Variants in SIL1 observed in about 807,000 individuals in gnomAD.
SIL1 encodes nucleotide exchange factor SIL1.
In SIL1, 40 loss-of-function variants were observed where a neutral mutation model predicts 49.1. That is an observed-to-expected ratio of 0.81 (90% CI 0.63 to 1.06). The LOEUF (loss-of-function observed/expected upper bound fraction) is 1.06. Among genes scored for constraint, SIL1 ranks in the 50% least tolerant of loss-of-function variants. SIL1 has a pLI of 0.00. For synonymous variants in SIL1, 253 were observed against 250.8 expected (o/e 1.01, Z -0.08); for missense variants, 500 against 572.6 (o/e 0.87, Z 1.29).
intron 3 of SIL1, among the ~76,000 whole-genome samples, chr5:139,098,413 C>T (rs954394081): frequency 1.3e-5 from 2 of 152,116 alleles, no homozygotes; most frequent in African/African-American, 4.8e-5. Context: ...AAATTAGACC[C>T]CTATCTCTCA....
At chr5:139,137,282 G>A (rs1561876347) in intron 1 of SIL1, 7 of 702,068 alleles carry the variant, frequency 1.0e-5, no homozygotes, top group Non-Finnish European at 1.6e-5. Flanking sequence ...CCAATATGCT[G>A]CTCATTTTAC....
At chr5:139,150,527 C>A (rs1025282580) in intron 1 of SIL1, among the ~76,000 whole-genome samples, 5 of 152,114 alleles carry the variant, frequency 3.3e-5, no homozygotes, top group Non-Finnish European at 5.9e-5. Context: ...CAGGTAGGAG[C>A]AACCGTCGCA....
chr5:139,114,855 G>T (rs536138079), intron 3 of SIL1, among the ~76,000 whole-genome samples: 16 of 152,200 alleles, frequency 1.1e-4, no homozygotes, highest in African/African-American at 3.4e-4. Flanking sequence ...CCAGCACTGT[G>T]CTTGAGCCAG....
chr5:139,100,857 C>T (rs1376945845), intron 3 of SIL1, among the ~76,000 whole-genome samples: 5 of 151,802 alleles, frequency 3.3e-5, no homozygotes, highest in Admixed American at 1.3e-4. Flanking sequence ...ATTTAAGATG[C>T]CTATCCAAGT....
At chr5:139,151,559 A>G (rs559745178) in intron 1 of SIL1, among the ~76,000 whole-genome samples, 1 of 152,282 alleles carries the variant, frequency 6.6e-6, no homozygotes, top group Admixed American at 6.5e-5. Context: ...TCTAAGGAAA[A>G]ACTCATCATT....
At chr5:139,179,745 T>C (rs1244860852) in intron 1 of SIL1, among the ~76,000 whole-genome samples, 2 of 152,076 alleles carry the variant, frequency 1.3e-5, no homozygotes, top group South Asian at 2.1e-4. Context: ...TGTCCAACTA[T>C]TGAATGGTAA....
chr5:139,186,253 C>T (rs1055050779), intron 1 of SIL1, among the ~76,000 whole-genome samples: 3 of 152,218 alleles, frequency 2.0e-5, no homozygotes, highest in Non-Finnish European at 4.4e-5. Context: ...AGATGTTCTA[C>T]AGGGCCGAAC....
chr5:138,983,693 T>A (rs893405941), intron 7 of SIL1, among the ~76,000 whole-genome samples: 4 of 151,508 alleles, frequency 2.6e-5, no homozygotes, highest in African/African-American at 9.7e-5. Flanking sequence ...GCTCCACCCC[T>A]CCCCAACACA....
At chr5:139,139,464 T>C (rs1561877190) in intron 1 of SIL1, among the ~76,000 whole-genome samples, 1 of 152,228 alleles carries the variant, frequency 6.6e-6, no homozygotes, top group Non-Finnish European at 1.5e-5. Context: ...AACTGGTAAG[T>C]ACAATTTGTT....
intron 7 of SIL1, among the ~76,000 whole-genome samples, chr5:138,980,553 A>G (rs1767492867): frequency 6.6e-6 from 1 of 152,098 alleles, no homozygotes; most frequent in Admixed American, 6.6e-5. Flanking sequence ...TCCATCCCAG[A>G]CTTCCACTGT....
intron 5 of SIL1, among the ~76,000 whole-genome samples, chr5:139,029,932 G>A (rs959952733): frequency 2.6e-5 from 4 of 151,126 alleles, no homozygotes; most frequent in Non-Finnish European, 4.4e-5. Context: ...AGCTGTGATC[G>A]TACCACTTCA....
intron 7 of SIL1, among the ~76,000 whole-genome samples, chr5:138,952,645 T>G (rs890239695): frequency 5.9e-5 from 9 of 152,182 alleles, no homozygotes; most frequent in African/African-American, 2.2e-4. Flanking sequence ...TACACAACCA[T>G]GAACATATCA....
At chr5:139,009,408 CTT>C (rs1381495707) in intron 7 of SIL1, among the ~76,000 whole-genome samples, 1 of 147,706 alleles carries the variant, frequency 6.8e-6, no homozygotes, top group East Asian at 2.0e-4. Context: ...GGTCTTGACT[CTT>C]TATCCAATTT....
chr5:139,055,164 C>G (rs1769378202), intron 3 of SIL1, among the ~76,000 whole-genome samples: 1 of 152,240 alleles, frequency 6.6e-6, no homozygotes, highest in East Asian at 1.9e-4. Context: ...ACCTCCAGCT[C>G]CTTCAGAGCT....
intron 5 of SIL1, among the ~76,000 whole-genome samples, chr5:139,032,228 T>A (rs1481175526): frequency 1.3e-5 from 2 of 152,234 alleles, no homozygotes; most frequent in Non-Finnish European, 2.9e-5. Context: ...TAAATGCTTG[T>A]TATCAAGTAA....
intron 1 of SIL1, among the ~76,000 whole-genome samples, chr5:139,145,918 T>C (rs1581132669): frequency 2.7e-5 from 4 of 150,488 alleles, no homozygotes; most frequent in Admixed American, 2.7e-4. Context: ...AAAAAAAAAA[T>C]AAAGAGGCAT....
intron 3 of SIL1, among the ~76,000 whole-genome samples, chr5:139,056,731 C>T (rs1251027849): frequency 2.0e-5 from 3 of 148,786 alleles, no homozygotes; most frequent in African/African-American, 5.0e-5. Flanking sequence ...CCGCCCCGCC[C>T]GGGAGGTGAG....
intron 1 of SIL1, among the ~76,000 whole-genome samples, chr5:139,138,171 AC>A (rs1444874203): frequency 1.3e-5 from 2 of 151,582 alleles, no homozygotes; most frequent in African/African-American, 4.9e-5. Context: ...ACAAACCACA[AC>A]CACACACACC....
intron 1 of SIL1, among the ~76,000 whole-genome samples, chr5:139,196,793 C>G (rs1287289309): frequency 6.6e-6 from 1 of 152,102 alleles, no homozygotes; most frequent in Non-Finnish European, 1.5e-5. Flanking sequence ...AACCACAGAC[C>G]AAGTTCTGAC....
Sources: allele counts gnomAD v4.1 joint callset (sites outside exome capture counted in the v4.1 genomes callset), GRCh38; gene constraint gnomAD v4.1.1; transcripts MANE v1.5; gene names NCBI Gene and HGNC (gene_info 2026-07-23, HGNC 2026-07-21).